Variants in XYLB observed in about 807,000 individuals in gnomAD.
XYLB encodes the protein xylulokinase.
XYLB carries 62 observed loss-of-function variants against 78.7 expected under a neutral mutation model. The observed-to-expected ratio is 0.79, with a 90% confidence interval of 0.64 to 0.97. The LOEUF (loss-of-function observed/expected upper bound fraction) is 0.97, where lower values mean the gene tolerates loss of function less well. Among genes scored for constraint, XYLB ranks in the 50% least tolerant of loss-of-function variants. The pLI is 0.00. For missense variants in XYLB, 687 were observed against 676.8 expected, an observed-to-expected ratio of 1.02 and a Z score of -0.17; for synonymous variants, 245 against 247.4, an observed-to-expected ratio of 0.99 and a Z score of 0.09.
chr3:38,404,405 C>T, intron 18 of XYLB, among the ~76,000 whole-genome samples: 1 of 152,248 alleles, frequency 6.6e-6, no homozygotes, highest in East Asian at 1.9e-4. Flanking sequence ...GACTCAGAAG[C>T]CAGCAGGCTC....
intron 11 of XYLB, 140 bp downstream of exon 11, chr3:38,374,642 A>G (rs1198650015): frequency 9.8e-7 from 1 of 1,015,562 alleles, no homozygotes; most frequent in Non-Finnish European, 1.5e-6. Context: ...GCTACTTATC[A>G]GAGTGTCTGC....
intron 17 of XYLB, among the ~76,000 whole-genome samples, chr3:38,397,545 G>T (rs1178839530): frequency 6.6e-6 from 1 of 152,074 alleles, no homozygotes; most frequent in Admixed American, 6.5e-5. Flanking sequence ...AAACAAAGGG[G>T]AAGGCTTCAG....
downstream of XYLB, among the ~76,000 whole-genome samples, chr3:38,418,881 G>C (rs1049740981): frequency 6.6e-6 from 1 of 151,930 alleles, no homozygotes; most frequent in African/African-American, 2.4e-5. Context: ...GTTTTTGCTA[G>C]CATTTAGGAA....
At chr3:38,350,788 T>A (rs929940300) in intron 2 of XYLB, among the ~76,000 whole-genome samples, 2 of 152,152 alleles carry the variant, frequency 1.3e-5, no homozygotes, top group Non-Finnish European at 2.9e-5. Flanking sequence ...GTTTCATTTT[T>A]TTTCGTTCAA....
In XYLB at chr3:38,370,123, AC is replaced by A; in HGVS notation, c.716del (p.Pro239LeufsTer3). The A allele has an allele frequency of 1.9e-6, 3 of 1,614,114 alleles. No individual in the cohort carries two copies. The highest frequency in any genetic ancestry group is 2.5e-6 in the Non-Finnish European group (3 of 1,180,014). On this transcript the variant is annotated frameshift_variant, in exon 9 of 19. Transcript: ENST00000207870. LOFTEE classifies it high-confidence loss of function. ...CCCAGGCTTGCCTTGGTGCCTGTGCACCTCATTTAGAGGAGAAGCTTAGCCC... is the reference window on the plus strand; with the variant it reads ...CCCAGGCTTGCCTTGGTGCCTGTGCACTCATTTAGAGGAGAAGCTTAGCCC... Reference protein sequence around the residue: ...WSQACLGACAPHLEEKLSPPV... With the variant: ...WSQACLGACAXHLEEKLSPPV...
At chr3:38,356,590 T>G (rs982770096) in intron 2 of XYLB, 2 of 152,224 alleles carry the variant, frequency 1.3e-5, no homozygotes, top group Non-Finnish European at 2.9e-5. Flanking sequence ...TTAAAAAATT[T>G]TCATAGCTTT....
intron 2 of XYLB, among the ~76,000 whole-genome samples, chr3:38,359,570 G>A (rs1381700801): frequency 6.6e-6 from 1 of 152,204 alleles, no homozygotes; most frequent in Non-Finnish European, 1.5e-5. Context: ...CATATGAATA[G>A]TTCATATTTT....
chr3:38,388,177 T>G (rs963953071), intron 15 of XYLB, among the ~76,000 whole-genome samples: 31 of 144,356 alleles, frequency 2.1e-4, no homozygotes, highest in African/African-American at 6.7e-4. Context: ...TTGTTTTTTT[T>G]TTTTTTTTTT....
intron 15 of XYLB, among the ~76,000 whole-genome samples, chr3:38,391,979 C>T (rs927280487): frequency 1.3e-5 from 2 of 152,170 alleles, no homozygotes; most frequent in South Asian, 4.1e-4. Flanking sequence ...ATTTCAAGTT[C>T]CTCTTCACTC....
chr3:38,347,971 G>A (rs1705159817), intron 1 of XYLB, among the ~76,000 whole-genome samples: 1 of 151,468 alleles, frequency 6.6e-6, no homozygotes, highest in African/African-American at 2.5e-5. Flanking sequence ...CCAGTCCTTG[G>A]GGGAACGTCC....
At chr3:38,438,834 A>G in the XYLB span, among the ~76,000 whole-genome samples, 12 of 152,080 alleles carry the variant, frequency 7.9e-5, no homozygotes, top group Non-Finnish European at 1.6e-4. Context: ...TGATTGGTCC[A>G]TTTTACAGTG....
the XYLB span, among the ~76,000 whole-genome samples, chr3:38,442,030 G>C: frequency 6.6e-6 from 1 of 152,172 alleles, no homozygotes; most frequent in Admixed American, 6.5e-5. Flanking sequence ...TCCGTGATTA[G>C]AGTATAGAGT....
Position 38,379,299 on chromosome 3 carries a change from C to G in XYLB, c.1248C>G (p.Phe416Leu). ...VEVRALIEGQFMAKRIHAEGL... is the reference protein window; with the variant it reads ...VEVRALIEGQLMAKRIHAEGL... ...TTCGAGCACTAATTGAAGGACAATTCATGGCCAAGAGGATTCACGCAGAAG... is the reference window on the plus strand; with the variant it reads ...TTCGAGCACTAATTGAAGGACAATTGATGGCCAAGAGGATTCACGCAGAAG... The change falls in exon 15 of 19, where the codon TTC becomes TTG. Residue 416 changes from phenylalanine to leucine, a missense_variant. By Grantham distance (22) the Phe-to-Leu change is conservative. Transcript: ENST00000207870. 1 of 1,614,124 alleles carries G rather than the reference C, an allele frequency of 6.2e-7. No homozygotes were observed. The highest frequency in any genetic ancestry group is 8.5e-7 in the Non-Finnish European group (1 of 1,180,020).
At chr3:38,361,766 C>T (rs1466783702) in intron 3 of XYLB, among the ~76,000 whole-genome samples, 1 of 152,222 alleles carries the variant, frequency 6.6e-6, no homozygotes, top group Non-Finnish European at 1.5e-5. Context: ...GCTCCGGCTG[C>T]ACCCCACTGC....
At chr3:38,350,665 G>A (rs1344214172) in intron 2 of XYLB, among the ~76,000 whole-genome samples, 6 of 151,974 alleles carry the variant, frequency 3.9e-5, no homozygotes, top group Admixed American at 2.0e-4. Flanking sequence ...TTAGAGGATT[G>A]ATTTAAGACC....
the XYLB span, among the ~76,000 whole-genome samples, chr3:38,442,468 G>A: frequency 6.6e-5 from 10 of 152,236 alleles, no homozygotes; most frequent in East Asian, 1.9e-3. Flanking sequence ...TGGGATGTGT[G>A]GTCTGTGGGA....
At chr3:38,359,842 G>A (rs1421484734) in intron 2 of XYLB, among the ~76,000 whole-genome samples, 1 of 151,548 alleles carries the variant, frequency 6.6e-6, no homozygotes, top group African/African-American at 2.4e-5. Context: ...AGTTAAAAGG[G>A]TTGGATTTTA....
intron 15 of XYLB, among the ~76,000 whole-genome samples, chr3:38,394,294 C>G (rs1003464504): frequency 6.6e-6 from 1 of 152,028 alleles, no homozygotes; most frequent in South Asian, 2.1e-4. Flanking sequence ...TTTCTGGTTG[C>G]TGTTGTGAAA....
intron 18 of XYLB, among the ~76,000 whole-genome samples, chr3:38,409,755 C>A (rs1004546542): frequency 3.3e-5 from 5 of 151,934 alleles, no homozygotes; most frequent in African/African-American, 7.3e-5. Flanking sequence ...AGACAGAGAG[C>A]CAAATCATGA....
Sources: gnomAD v4.1 joint callset for allele counts (sites outside exome capture counted in the v4.1 genomes callset) on GRCh38, gnomAD v4.1.1 for gene constraint, MANE v1.5 for transcripts, NCBI Gene and HGNC (gene_info 2026-07-23, HGNC 2026-07-21) for gene names.